MAP3K20: variants seen among roughly 807,000 people sequenced by gnomAD.
MAP3K20 encodes the protein mitogen-activated protein kinase kinase kinase 20.
A neutral mutation model predicts 85.7 loss-of-function variants in MAP3K20; 40 were observed. That is an observed-to-expected ratio of 0.47 (90% CI 0.36 to 0.61). The LOEUF is 0.61. MAP3K20 is among the 20% of genes least tolerant of loss of function. MAP3K20 has a pLI of 0.00. For missense variants in MAP3K20, 817 were observed against 961.7 expected (o/e 0.85, Z 1.99); for synonymous variants, 325 against 327.7 (o/e 0.99, Z 0.09).
At chr2:173,251,603 T>A (rs919486984) in intron 16 of MAP3K20, among the ~76,000 whole-genome samples, 1 of 152,246 alleles carries the variant, frequency 6.6e-6, no homozygotes, top group Non-Finnish European at 1.5e-5. Context: ...TCAAATTTCA[T>A]CTATGGTGAT....
At chr2:173,179,462 A>G (rs1255958156) in intron 3 of MAP3K20, among the ~76,000 whole-genome samples, 1 of 151,984 alleles carries the variant, frequency 6.6e-6, no homozygotes, top group Admixed American at 6.6e-5. Context: ...TTCCAACCTG[A>G]TAAAGAGCAT....
At position 173,152,397 on chromosome 2, in the gene MAP3K20, A is replaced by G. The variant is rs1689334046; in HGVS notation, c.160-17408A>G. Among the ~76,000 whole-genome samples the G allele has an allele frequency of 2.0e-5, 3 of 152,182 alleles. No homozygotes were observed. The South Asian group carries it at 6.2e-4, about 31-fold the overall frequency. ...GTTACATGGGAAGAGTTCTACCTGG[A>G]GAACTCAGAATACAGATTGAAGCCT... On this transcript the variant is annotated intron_variant, in intron 2 of 19. Coordinates refer to ENST00000375213, the MANE Select transcript of MAP3K20 (RefSeq NM_016653.3).
chr2:173,124,933 A>G (rs1170139711), intron 2 of MAP3K20, among the ~76,000 whole-genome samples: 1 of 152,152 alleles, frequency 6.6e-6, no homozygotes, highest in Non-Finnish European at 1.5e-5. Flanking sequence ...GGCTATAGTG[A>G]GCTATGATTG....
At chr2:173,200,983 C>G (rs951160948) in intron 8 of MAP3K20, among the ~76,000 whole-genome samples, 2 of 152,068 alleles carry the variant, frequency 1.3e-5, no homozygotes, top group Non-Finnish European at 2.9e-5. Flanking sequence ...TACTCTTCAC[C>G]CAGCTTCCCT....
chr2:173,233,927 G>A (rs1195658037), intron 14 of MAP3K20, among the ~76,000 whole-genome samples: 1 of 152,206 alleles, frequency 6.6e-6, no homozygotes, highest in Non-Finnish European at 1.5e-5. Context: ...CCTCTTAGAA[G>A]AAGGGCAGGA....
chr2:173,121,037 A>G lies in MAP3K20; in HGVS notation c.159+29847A>G, dbSNP rs188020775. Among the ~76,000 whole-genome samples the G allele has an allele frequency of 3.7e-4, 57 of 152,196 alleles. 1 individual carries two copies. The highest frequency in any genetic ancestry group is 2.3e-3 in the Admixed American group (35 of 15,298). On this transcript the variant is annotated intron_variant, in intron 2 of 19. Coordinates refer to ENST00000375213, the MANE Select transcript of MAP3K20 (RefSeq NM_016653.3). The stretch of plus-strand genomic sequence containing the variant: ...TCACTCTCACTTCTATTCCTTGATT[A>G]CCAAATCCATGTATTCTGTTACAGG...
At chr2:173,222,643 T>C (rs1448698659) in intron 11 of MAP3K20, 5 of 985,236 alleles carry the variant, frequency 5.1e-6, no homozygotes, top group East Asian at 2.3e-4. Context: ...TGCTCAGCTA[T>C]TTTAAAGAGG....
rs1227551967 is a variant in MAP3K20, at chr2:173,187,529, T to C, written c.350-29T>C. ...CTGATGTAATGTTGAAAAATATTAA[T>C]AGGCCTTTATTTCTTCTTGTGTGAA... is the stretch of plus-strand genomic sequence containing the variant. On this transcript the variant is annotated intron_variant, in intron 4 of 19. Coordinates refer to ENST00000375213, the MANE Select transcript of MAP3K20 (RefSeq NM_016653.3). 16 of 1,569,236 alleles carry C rather than the reference T, an allele frequency of 1.0e-5. No homozygotes were observed. The Middle Eastern group carries it at 8.6e-4, about 84-fold the overall frequency.
rs1353403783 is a variant in MAP3K20, at chr2:173,088,183, A to C, written c.-34-2815A>C. Among the ~76,000 whole-genome samples the C allele has an allele frequency of 2.0e-5, 3 of 152,242 alleles. No individual in the cohort carries two copies. The East Asian group carries it at 5.8e-4, about 29-fold the overall frequency. On this transcript the variant is annotated intron_variant, in intron 1 of 19. Coordinates refer to ENST00000375213, the MANE Select transcript of MAP3K20 (RefSeq NM_016653.3). ...TAAAAAGCTAAGCAAACAACAACAA[A>C]AAAGCAAAAACAGGGCAACTGATAA... is the stretch of plus-strand genomic sequence containing the variant.
At chr2:173,205,132 A>AT (rs1683640752) in intron 9 of MAP3K20, among the ~76,000 whole-genome samples, 4 of 151,524 alleles carry the variant, frequency 2.6e-5, no homozygotes, top group African/African-American at 7.3e-5. Flanking sequence ...ATAAATAAAT[A>AT]AAATAAAACA....
rs1162728873 is a variant in MAP3K20 at position 173,134,393 on chromosome 2, CAT to C, written c.160-35377_160-35376del. Among the ~76,000 whole-genome samples, 25 of 12,330 alleles carry C rather than the reference CAT, an allele frequency of 2.0e-3. 2 individuals carry two copies. The highest frequency in any genetic ancestry group is 6.3e-3 in the South Asian group (2 of 318). The allele number at this position is 12,330 out of a possible 152,430, so 8.1% of individuals were successfully genotyped here. A position where few individuals can be genotyped will look rare whatever the true frequency, so the allele number is the denominator to read the frequency against. On this transcript the variant is annotated intron_variant, in intron 2 of 19. Coordinates refer to ENST00000375213, the MANE Select transcript of MAP3K20 (RefSeq NM_016653.3). ...GTGTGTGTGTGTGTGTGTCTCTATA[CAT>C]ATATATATATATATATATATATATA...
Position 173,225,132 on chromosome 2 carries a change from C to T in MAP3K20, c.988-4557C>T, listed in dbSNP as rs1227906805. On this transcript the variant is annotated intron_variant, in intron 11 of 19. Transcript: ENST00000375213. ...GTTATCTTGTAGAATTTGATGAGAC[C>T]CTCCCTAGTCATTCTCAACTGGGGC... The T allele has an allele frequency of 3.6e-6, 3 of 835,768 alleles. No individual in the cohort carries two copies. In the African/African-American group the frequency reaches 1.7e-4, roughly 46 times the overall value. 51.8% of individuals were successfully genotyped at this position (835,768 alleles called of 1,614,324 possible).
At chr2:173,221,802 A>G (rs1684259586) in intron 11 of MAP3K20, 1 of 1,093,156 alleles carries the variant, frequency 9.1e-7, no homozygotes, top group Non-Finnish European at 1.1e-6. Context: ...ACAATATAGG[A>G]CTTTTAAAGT....
At chr2:173,159,088 G>C (rs1029065569) in intron 2 of MAP3K20, among the ~76,000 whole-genome samples, 2 of 152,194 alleles carry the variant, frequency 1.3e-5, no homozygotes, top group Admixed American at 1.3e-4. Flanking sequence ...GGTCGCTTTA[G>C]GGCCATCCAT....
chr2:173,136,615 C>T (rs1688806846), intron 2 of MAP3K20, among the ~76,000 whole-genome samples: 1 of 152,206 alleles, frequency 6.6e-6, no homozygotes, highest in Admixed American at 6.5e-5. Flanking sequence ...AAATAATGTG[C>T]TCTCCGGCTT....
At chr2:173,113,921 G>T (rs1688046198) in intron 2 of MAP3K20, among the ~76,000 whole-genome samples, 1 of 152,178 alleles carries the variant, frequency 6.6e-6, no homozygotes, top group South Asian at 2.1e-4. Context: ...CTGAGGTATA[G>T]TGTAAATCCA....
chr2:173,131,353 C>G (rs1019409552), intron 2 of MAP3K20, among the ~76,000 whole-genome samples: 1 of 152,212 alleles, frequency 6.6e-6, no homozygotes, highest in African/African-American at 2.4e-5. Flanking sequence ...ACCAGTTCTT[C>G]AGGACATGTT....
intron 2 of MAP3K20, among the ~76,000 whole-genome samples, chr2:173,129,985 A>G (rs899394556): frequency 3.9e-5 from 6 of 152,222 alleles, no homozygotes; most frequent in African/African-American, 1.2e-4. Context: ...TACTCTCTAA[A>G]TTTGTTTAAG....
intron 3 of MAP3K20, among the ~76,000 whole-genome samples, chr2:173,172,481 G>A (rs114837204): frequency 5.6e-4 from 86 of 152,268 alleles, no homozygotes; most frequent in Non-Finnish European, 1.0e-3. Context: ...GATTCTGCCA[G>A]AGCTTCATAG....
Sources: gnomAD v4.1 joint callset for allele counts (sites outside exome capture counted in the v4.1 genomes callset) on GRCh38, gnomAD v4.1.1 for gene constraint, MANE v1.5 for transcripts, NCBI Gene and HGNC (gene_info 2026-07-23, HGNC 2026-07-21) for gene names.